The following ERC1 variants were observed in gnomAD, a reference collection of about 807,000 sequenced individuals.
The protein encoded by ERC1 is RAB6 interacting protein 2.
ERC1 carries 56 observed loss-of-function variants against 132.0 expected under a neutral mutation model. The observed-to-expected ratio is 0.42, with a 90% CI of 0.34 to 0.53. ERC1 has a LOEUF of 0.53. Ranked by LOEUF, ERC1 falls within the 20% of genes least tolerant of loss-of-function variation. The probability of loss-of-function intolerance (pLI) is 0.03; values close to 1 mark genes in which losing one functional copy is unlikely to be tolerated. For missense variants in ERC1, 1,202 were observed against 1,349.9 expected, an observed-to-expected ratio of 0.89 and a Z score of 1.72; for synonymous variants, 478 against 476.1, an observed-to-expected ratio of 1.00 and a Z score of -0.05.
chr12:1,110,380 G>T (rs1444517559), intron 5 of ERC1, 33 bp downstream of exon 5: 1 of 1,548,586 alleles, frequency 6.5e-7, no homozygotes, highest in East Asian at 2.3e-5. Flanking sequence ...ATTCTTAAAA[G>T]GAGTTTGAAA....
chr12:1,121,768 TCTCTATCTC>T, intron 7 of ERC1, among the ~76,000 whole-genome samples: 9 of 8,138 alleles, frequency 1.1e-3, no homozygotes, highest in African/African-American at 1.4e-3. Context: ...TCTCTATCTA[TCTCTATCTC>T]TATCTATCTC....
At chr12:1,133,157 C>T (rs202099007) in intron 7 of ERC1, among the ~76,000 whole-genome samples, 3 of 18,460 alleles carry the variant, frequency 1.6e-4, no homozygotes, top group East Asian at 8.5e-3. Context: ...CACACCTGGC[C>T]GGTTTTTTTT....
At chr12:1,189,003 T>G (rs2906104) in intron 11 of ERC1, among the ~76,000 whole-genome samples, 3,547 of 152,302 alleles carry the variant, frequency 0.023, 120 homozygotes, top group African/African-American at 0.08. Flanking sequence ...CAATATTAGT[T>G]GACTTTTGTA....
intron 7 of ERC1, among the ~76,000 whole-genome samples, chr12:1,121,711 GTCTCTATCTCTA>G (rs1256113451): frequency 2.0e-3 from 83 of 40,514 alleles, no homozygotes; most frequent in Non-Finnish European, 2.5e-3. Flanking sequence ...CTCTATCTGT[GTCTCTATCTCTA>G]TCTCTATCTC....
intron 18 of ERC1, among the ~76,000 whole-genome samples, chr12:1,461,411 T>C (rs1002703187): frequency 6.6e-6 from 1 of 152,188 alleles, no homozygotes; most frequent in Non-Finnish European, 1.5e-5. Flanking sequence ...CTCACACTTG[T>C]AATCCCAGCA....
intron 8 of ERC1, among the ~76,000 whole-genome samples, chr12:1,169,036 A>G (rs1240654079): frequency 6.6e-6 from 1 of 152,306 alleles, no homozygotes; most frequent in East Asian, 1.9e-4. Context: ...AACACTCACC[A>G]TCTATGGAAC....
chr12:1,376,217 T>C (rs1346293122), intron 16 of ERC1, among the ~76,000 whole-genome samples: 1 of 152,248 alleles, frequency 6.6e-6, no homozygotes, highest in African/African-American at 2.4e-5. Flanking sequence ...CTGTTCTTTT[T>C]AATGATATGA....
intron 12 of ERC1, among the ~76,000 whole-genome samples, chr12:1,216,628 G>GTGGAGGA (rs1461149647): frequency 7.7e-6 from 1 of 129,276 alleles, no homozygotes; most frequent in African/African-American, 2.8e-5. Context: ...GGGGTGGGGG[G>GTGGAGGA]CGGGGGGAGT....
chr12:1,322,352 G>C (rs946788597), intron 15 of ERC1, among the ~76,000 whole-genome samples: 2 of 152,096 alleles, frequency 1.3e-5, no homozygotes, highest in Non-Finnish European at 2.9e-5. Context: ...TAAGTGATCT[G>C]TGCATAGTCA....
intron 15 of ERC1, among the ~76,000 whole-genome samples, chr12:1,354,019 A>C (rs1238965626): frequency 1.4e-5 from 2 of 145,332 alleles, no homozygotes; most frequent in African/African-American, 2.6e-5. Context: ...TCAGTTCTTC[A>C]TAGACTTCTT....
intron 1 of ERC1, among the ~76,000 whole-genome samples, chr12:1,019,954 CGTGT>C (rs1285429311): frequency 1.6e-4 from 24 of 151,514 alleles, no homozygotes; most frequent in Non-Finnish European, 2.7e-4. Context: ...AGGATCTTGC[CGTGT>C]TGTCCAGGCT....
intron 11 of ERC1, among the ~76,000 whole-genome samples, chr12:1,185,730 TG>T (rs62803663): frequency 0.056 from 8,088 of 144,828 alleles, 679 homozygotes; most frequent in African/African-American, 0.21. Flanking sequence ...AACTCTAGGT[TG>T]TTTTTTTTTT....
intron 7 of ERC1, among the ~76,000 whole-genome samples, chr12:1,132,259 G>T (rs10732593): frequency 0.93 from 142,046 of 152,222 alleles, 67,040 homozygotes; most frequent in East Asian, 1. Context: ...CACAGGTGAT[G>T]TGAATTGAAT....
chr12:1,130,420 T>C (rs1948643516), intron 7 of ERC1, among the ~76,000 whole-genome samples: 1 of 152,136 alleles, frequency 6.6e-6, no homozygotes, highest in African/African-American at 2.4e-5. Flanking sequence ...TGTGTTGGCT[T>C]AAGGGGTCAA....
intron 13 of ERC1, among the ~76,000 whole-genome samples, chr12:1,245,973 G>A (rs187518464): frequency 7.9e-5 from 12 of 151,878 alleles, no homozygotes; most frequent in African/African-American, 2.2e-4. Flanking sequence ...TCTTAACTAT[G>A]TTGCCCAGGC....
rs1197585931 is a variant in ERC1, at chr12:1,138,203, G to C, written c.1570-3417G>C. Among the ~76,000 whole-genome samples the C allele has an allele frequency of 3.8e-4, 35 of 90,978 alleles. No individual in the cohort carries two copies. The South Asian group carries it at 9.6e-3, about 25-fold the overall frequency. The allele number at this position is 90,978 out of a possible 152,430, so 59.7% of individuals were successfully genotyped here. On this transcript the variant is annotated intron_variant, in intron 7 of 18. Transcript: ENST00000360905. ...ATATATATCATATATAATTATATAT[G>C]ATATATATTATATAATATATATCAT...
At position 1,026,016 on chromosome 12, in the gene ERC1, G is replaced by A. The variant is rs555253462; in HGVS notation, c.-156-1732G>A. Among the ~76,000 whole-genome samples the A allele has an allele frequency of 1.7e-4, 26 of 152,068 alleles. No homozygotes were observed. In the South Asian group the frequency reaches 4.4e-3, roughly 26 times the overall value. On this transcript the variant is annotated intron_variant, in intron 1 of 18. Coordinates refer to ENST00000360905, the MANE Select transcript of ERC1 (RefSeq NM_178040.4). ...TTGCCGTGTTGGTCAGGCTGGTCTC[G>A]AACTCTTGATGTCAGGTGATCCACC... is the stretch of plus-strand genomic sequence containing the variant.
intron 7 of ERC1, among the ~76,000 whole-genome samples, chr12:1,127,770 T>C (rs1484812778): frequency 6.6e-6 from 1 of 152,164 alleles, no homozygotes; most frequent in East Asian, 1.9e-4. Context: ...AGCTGCATAT[T>C]GAAGGAGGGA....
intron 18 of ERC1, among the ~76,000 whole-genome samples, chr12:1,487,935 T>G (rs541559879): frequency 7.3e-5 from 11 of 151,538 alleles, no homozygotes; most frequent in Middle Eastern, 3.4e-3. Context: ...TCAGGAGATC[T>G]AGACCATTCT....
Sources: gnomAD v4.1 joint callset for allele counts (sites outside exome capture counted in the v4.1 genomes callset) on GRCh38, gnomAD v4.1.1 for gene constraint, MANE v1.5 for transcripts, NCBI Gene and HGNC (gene_info 2026-07-23, HGNC 2026-07-21) for gene names.